Variants in STRN observed in about 807,000 individuals in gnomAD.
STRN encodes protein phosphatase 2 regulatory subunit B'''alpha.
In STRN, 53 loss-of-function variants were observed where a neutral mutation model predicts 96.3. That is an observed-to-expected ratio of 0.55 (90% CI 0.44 to 0.69). The LOEUF (loss-of-function observed/expected upper bound fraction) is 0.69. STRN is among the 30% of genes least tolerant of loss of function. STRN has a pLI of 0.00. For missense variants in STRN, 987 were observed against 963.9 expected (o/e 1.02, Z -0.32); for synonymous variants, 428 against 355.9 (o/e 1.20, Z -2.28).
At position 36,966,476 on chromosome 2, in the gene STRN, T is replaced by C; in HGVS notation, c.-13A>G. The C allele has an allele frequency of 2.1e-6, 3 of 1,436,024 alleles. No individual in the cohort carries two copies. The highest frequency in any genetic ancestry group is 2.7e-6 in the Non-Finnish European group (3 of 1,097,368). 89.0% of individuals were successfully genotyped at this position (1,436,024 alleles called of 1,614,324 possible). ...CCTGCTCGTCCATGGCGGCCGCAGA[T>C]ACCCGGGGAGCTGCCCCGGCGCCCA... On this transcript the variant is annotated 5_prime_UTR_variant, in exon 1 of 18. Transcript: ENST00000263918.
chr2:36,941,684 G>T (rs572649988), intron 1 of STRN, among the ~76,000 whole-genome samples: 10 of 150,642 alleles, frequency 6.6e-5, no homozygotes, highest in Non-Finnish European at 1.5e-4. Flanking sequence ...TAAGTAGTTG[G>T]GATTACAGGC....
At chr2:36,918,325 C>A (rs904449913) in intron 2 of STRN, among the ~76,000 whole-genome samples, 10 of 152,082 alleles carry the variant, frequency 6.6e-5, no homozygotes, top group African/African-American at 2.4e-4. Context: ...AAACACACTT[C>A]ATTTACCATA....
intron 7 of STRN, among the ~76,000 whole-genome samples, chr2:36,889,690 A>T (rs935716277): frequency 2.0e-5 from 3 of 152,114 alleles, no homozygotes; most frequent in Admixed American, 6.6e-5. Context: ...TGTTCACTCA[A>T]TTAGACAAGA....
Position 36,849,281 on chromosome 2 carries a change from C to T in STRN, c.*175G>A, listed in dbSNP as rs1322801181. The T allele has an allele frequency of 1.3e-6, 1 of 741,022 alleles. No individual in the cohort carries two copies. Among genetic ancestry groups the T allele is most frequent in the Admixed American group, 3.0e-5 (1 of 33,126 alleles). 45.9% of individuals were successfully genotyped at this position (741,022 alleles called of 1,614,324 possible). On this transcript the variant is annotated 3_prime_UTR_variant, in exon 18 of 18. Coordinates refer to ENST00000263918, the MANE Select transcript of STRN (RefSeq NM_003162.4). ...CTGAGCTTGCAGCAACCTGAACAAACCTTAGTTTTAGAAAACAGTATATGA... is the reference window on the plus strand; with the variant it reads ...CTGAGCTTGCAGCAACCTGAACAAATCTTAGTTTTAGAAAACAGTATATGA...
chr2:36,884,479 T>A (rs567417154), intron 8 of STRN, among the ~76,000 whole-genome samples: 1 of 152,206 alleles, frequency 6.6e-6, no homozygotes, highest in South Asian at 2.1e-4. Flanking sequence ...CCTGAAGCTA[T>A]GGTACCCGAG....
chr2:36,861,163 AGTG>A lies in STRN; in HGVS notation c.1635_1637del (p.Thr546del). 1 of 1,614,120 alleles carries A rather than the reference AGTG, an allele frequency of 6.2e-7. No individual in the cohort carries two copies. The highest frequency in any genetic ancestry group is 8.5e-7 in the Non-Finnish European group (1 of 1,179,994). ...AATCATAGGGGTCGATGTTGGGATT[AGTG>A]GTATTCCAGCCCTGGATCAGTCCAT... is the stretch of plus-strand genomic sequence containing the variant. On this transcript the variant is annotated inframe_deletion, in exon 13 of 18. Transcript: ENST00000263918.
At chr2:36,854,797 T>C (rs1668303945) in intron 15 of STRN, among the ~76,000 whole-genome samples, 1 of 152,126 alleles carries the variant, frequency 6.6e-6, no homozygotes, top group Non-Finnish European at 1.5e-5. Context: ...AAGCTTCAGG[T>C]TTGGAATTCT....
chr2:36,891,409 C>T (rs1031929915), intron 7 of STRN, among the ~76,000 whole-genome samples: 1 of 152,094 alleles, frequency 6.6e-6, no homozygotes, highest in Non-Finnish European at 1.5e-5. Context: ...GCCTGTAATC[C>T]CAGCTACTCT....
intron 1 of STRN, among the ~76,000 whole-genome samples, chr2:36,961,792 C>A (rs1337544343): frequency 6.6e-6 from 1 of 152,146 alleles, no homozygotes; most frequent in Non-Finnish European, 1.5e-5. Flanking sequence ...AAGACCCTGT[C>A]TGACATGACT....
chr2:36,876,090 G>A lies in STRN; in HGVS notation c.1323+1801C>T, dbSNP rs529960262. Among the ~76,000 whole-genome samples, 12 of 152,142 alleles carry A rather than the reference G, an allele frequency of 7.9e-5. 1 individual carries two copies. Among genetic ancestry groups the A allele is most frequent in the Admixed American group, 5.9e-4 (9 of 15,272 alleles). On this transcript the variant is annotated intron_variant, in intron 10 of 17. Transcript: ENST00000263918. ...TTGAGACCAGTCTGAGCAATATGGCGAAAGCCTGTCTCTACCAAAAATAAA... is the reference window on the plus strand; with the variant it reads ...TTGAGACCAGTCTGAGCAATATGGCAAAAGCCTGTCTCTACCAAAAATAAA...
At chr2:36,869,751 G>T in intron 10 of STRN, 22 bp from the exon 11 acceptor site, 3 of 1,561,858 alleles carry the variant, frequency 1.9e-6, no homozygotes, top group Non-Finnish European at 2.6e-6. Context: ...ACAAAACAAA[G>T]ATATCTACAC....
In STRN at chr2:36,844,049, T is replaced by C. The variant is rs1175685251; in HGVS notation, c.*5407A>G. Reference sequence around the variant, plus strand: ...AGAAAGGGTTATTTAGGAATCTGAATTGATGACACCCTGTGGTCAGCTCTA... The same window carrying C: ...AGAAAGGGTTATTTAGGAATCTGAACTGATGACACCCTGTGGTCAGCTCTA... On this transcript the variant is annotated 3_prime_UTR_variant, in exon 18 of 18. Coordinates refer to ENST00000263918, the MANE Select transcript of STRN (RefSeq NM_003162.4). 3 of 152,156 alleles carry C rather than the reference T, an allele frequency of 2.0e-5. No individual in the cohort carries two copies. The highest frequency in any genetic ancestry group is 1.9e-4 in the East Asian group (1 of 5,202). The allele number at this position is 152,156 out of a possible 1,614,324, so 9.4% of individuals were successfully genotyped here. A position where few individuals can be genotyped will look rare whatever the true frequency, so the allele number is the denominator to read the frequency against.
Position 36,845,313 on chromosome 2 carries a change from CAATAT to C in STRN, c.*4138_*4142del, listed in dbSNP as rs968691396. 3 of 151,992 alleles carry C rather than the reference CAATAT, an allele frequency of 2.0e-5. No individual in the cohort carries two copies. Among genetic ancestry groups the C allele is most frequent in the South Asian group, 2.1e-4 (1 of 4,824 alleles). 9.4% of individuals were successfully genotyped at this position (151,992 alleles called of 1,614,324 possible). ...CAGTCTGATTTGTGACATCTTAATA[CAATAT>C]AACTTAAATGACAAAGCCTGAGAAA... On this transcript the variant is annotated 3_prime_UTR_variant, in exon 18 of 18. Transcript: ENST00000263918.
Position 36,847,851 on chromosome 2 carries a change from G to C in STRN, c.*1605C>G, listed in dbSNP as rs1668118420. On this transcript the variant is annotated 3_prime_UTR_variant, in exon 18 of 18. Coordinates refer to ENST00000263918, the MANE Select transcript of STRN (RefSeq NM_003162.4). ...TTGTTATGACGATGGAAAATGTGGG[G>C]AATGGAATATGTAGAAATTGTTTTA... is the stretch of plus-strand genomic sequence containing the variant. The C allele has an allele frequency of 6.6e-6, 1 of 152,130 alleles. No individual in the cohort carries two copies. The highest frequency in any genetic ancestry group is 1.5e-5 in the Non-Finnish European group (1 of 68,024). The allele number at this position is 152,130 out of a possible 1,614,324, so 9.4% of individuals were successfully genotyped here. A position where few individuals can be genotyped will look rare whatever the true frequency, so the allele number is the denominator to read the frequency against.
Position 36,895,923 on chromosome 2 carries a change from C to CA in STRN, c.796-1891dup, listed in dbSNP as rs1000193087. Among the ~76,000 whole-genome samples, 30 of 148,916 alleles carry CA rather than the reference C, an allele frequency of 2.0e-4. No individual in the cohort carries two copies. The East Asian group carries it at 2.3e-3, about 12-fold the overall frequency. The stretch of plus-strand genomic sequence containing the variant: ...TGGGTGACAGTGCGAGACTCCATCT[C>CA]AAAAAAAAAGAAAAAAAACAGGTGT... On this transcript the variant is annotated intron_variant, in intron 6 of 17. Coordinates refer to ENST00000263918, the MANE Select transcript of STRN (RefSeq NM_003162.4).
At chr2:36,964,758 C>T (rs911639953) in intron 1 of STRN, among the ~76,000 whole-genome samples, 3 of 152,184 alleles carry the variant, frequency 2.0e-5, no homozygotes, top group Admixed American at 1.3e-4. Context: ...CTTATTTCTT[C>T]CTCACAGCAG....
At chr2:36,915,192 G>A (rs1242759727) in intron 3 of STRN, among the ~76,000 whole-genome samples, 10 of 115,510 alleles carry the variant, frequency 8.7e-5, no homozygotes, top group Non-Finnish European at 1.6e-4. Flanking sequence ...GCAAGACTCC[G>A]TCTCAAAAAA....
chr2:36,851,338 C>G (rs1010176763), intron 15 of STRN, among the ~76,000 whole-genome samples: 1 of 151,886 alleles, frequency 6.6e-6, no homozygotes, highest in African/African-American at 2.4e-5. Flanking sequence ...CAAAAATTAG[C>G]CGAGTGTGGT....
intron 12 of STRN, among the ~76,000 whole-genome samples, chr2:36,863,158 A>C (rs1668536243): frequency 6.6e-6 from 1 of 151,352 alleles, no homozygotes; most frequent in Admixed American, 6.6e-5. Context: ...TAATGTGTGC[A>C]GAAGCTCTTC....
Sources: gnomAD v4.1 joint callset for allele counts (sites outside exome capture counted in the v4.1 genomes callset) on GRCh38, gnomAD v4.1.1 for gene constraint, MANE v1.5 for transcripts, NCBI Gene and HGNC (gene_info 2026-07-23, HGNC 2026-07-21) for gene names.